Variants in CBFA2T2 observed in about 807,000 individuals in gnomAD.
CBFA2T2 encodes protein CBFA2T2.
A neutral mutation model predicts 62.2 loss-of-function variants in CBFA2T2; 11 were observed. The ratio of observed to expected loss-of-function variants is 0.18; its 90% CI spans 0.11 to 0.29. CBFA2T2 has a LOEUF of 0.29. Ranked by LOEUF, CBFA2T2 falls within the 10% of genes least tolerant of loss-of-function variation. The pLI, the probability that CBFA2T2 is intolerant of heterozygous loss-of-function variation, is 1.00. For synonymous variants in CBFA2T2, 295 were observed against 287.5 expected (o/e 1.03, Z -0.27); for missense variants, 592 against 774.1 (o/e 0.76, Z 2.79).
chr20:33,570,693 G>C (rs1185989474), intron 1 of CBFA2T2, among the ~76,000 whole-genome samples: 1 of 152,116 alleles, frequency 6.6e-6, no homozygotes, highest in East Asian at 1.9e-4. Flanking sequence ...TCCTTCTGTG[G>C]CCTTACTGAT....
intron 4 of CBFA2T2, among the ~76,000 whole-genome samples, chr20:33,620,578 G>A (rs777021405): frequency 6.6e-6 from 1 of 151,918 alleles, no homozygotes; most frequent in Non-Finnish European, 1.5e-5. Context: ...GGTGGCTCAC[G>A]CCTATAATCC....
At chr20:33,561,957 TC>T (rs1423251207) in intron 1 of CBFA2T2, among the ~76,000 whole-genome samples, 1 of 152,204 alleles carries the variant, frequency 6.6e-6, no homozygotes, top group Non-Finnish European at 1.5e-5. Context: ...ATATTTTTCA[TC>T]CAATTATATG....
rs1426241488 is a variant in CBFA2T2, at chr20:33,646,449, T to C, written c.*1803T>C. 1 of 152,136 alleles carries C rather than the reference T, an allele frequency of 6.6e-6. No individual in the cohort carries two copies. The highest frequency in any genetic ancestry group is 2.4e-5 in the African/African-American group (1 of 41,404). The allele number at this position is 152,136 out of a possible 1,614,324, so 9.4% of individuals were successfully genotyped here. Reference sequence around the variant, plus strand: ...GGCCTTTGAAGCACAAGTTTAAATCTCCACCTTCTGTGCACTGACCAGAGT... The same window carrying C: ...GGCCTTTGAAGCACAAGTTTAAATCCCCACCTTCTGTGCACTGACCAGAGT... On this transcript the variant is annotated 3_prime_UTR_variant, in exon 11 of 11. Transcript: ENST00000342704.
intron 1 of CBFA2T2, among the ~76,000 whole-genome samples, chr20:33,546,999 G>A (rs576098722): frequency 1.8e-4 from 27 of 151,970 alleles, no homozygotes; most frequent in African/African-American, 6.3e-4. Flanking sequence ...TCAGGAGTTC[G>A]AGACCAGCCT....
At chr20:33,494,371 T>A (rs1307522536) in intron 1 of CBFA2T2, among the ~76,000 whole-genome samples, 1 of 126,858 alleles carries the variant, frequency 7.9e-6, no homozygotes, top group African/African-American at 3.0e-5. Context: ...AAGCTCCACC[T>A]CCTGGGTTCA....
At chr20:33,588,982 GA>G (rs1331890876) in intron 1 of CBFA2T2, among the ~76,000 whole-genome samples, 4 of 150,956 alleles carry the variant, frequency 2.6e-5, no homozygotes, top group Admixed American at 6.6e-5. Context: ...CTGAAAGGAG[GA>G]AAAAAAACCC....
intron 1 of CBFA2T2, among the ~76,000 whole-genome samples, chr20:33,556,055 T>C (rs932389074): frequency 6.6e-6 from 1 of 152,338 alleles, no homozygotes; most frequent in Admixed American, 6.5e-5. Context: ...TTTGTAGAGA[T>C]GGAGTCTCAC....
chr20:33,569,580 T>C (rs905420026), intron 1 of CBFA2T2, among the ~76,000 whole-genome samples: 15 of 152,198 alleles, frequency 9.9e-5, no homozygotes, highest in Admixed American at 7.9e-4. Context: ...AATTGTATTG[T>C]GACCTTGACA....
At chr20:33,559,637 C>T (rs1377823814) in intron 1 of CBFA2T2, among the ~76,000 whole-genome samples, 2 of 152,114 alleles carry the variant, frequency 1.3e-5, no homozygotes, top group African/African-American at 2.4e-5. Flanking sequence ...CAGGCGCCCA[C>T]CACCACACCC....
chr20:33,550,478 A>G (rs1387124464), intron 1 of CBFA2T2, among the ~76,000 whole-genome samples: 2 of 152,224 alleles, frequency 1.3e-5, no homozygotes, highest in Non-Finnish European at 2.9e-5. Flanking sequence ...TTAAACAAAC[A>G]GCATATTTTA....
chr20:33,636,829 G>C, intron 9 of CBFA2T2, 121 bp downstream of exon 9: 1 of 694,056 alleles, frequency 1.4e-6, no homozygotes, highest in Non-Finnish European at 2.5e-6. Flanking sequence ...GCTCCTCATA[G>C]AGCTCTAGGC....
chr20:33,630,570 G>A (rs2016411615), intron 8 of CBFA2T2, among the ~76,000 whole-genome samples: 1 of 152,136 alleles, frequency 6.6e-6, no homozygotes. Flanking sequence ...GTTTCCCCTT[G>A]CCTTTCAGAG....
intron 1 of CBFA2T2, among the ~76,000 whole-genome samples, chr20:33,569,302 G>T (rs930250588): frequency 1.3e-5 from 2 of 152,206 alleles, no homozygotes; most frequent in Admixed American, 6.5e-5. Flanking sequence ...TGCAGTCATT[G>T]TTAAATGCTT....
intron 1 of CBFA2T2, among the ~76,000 whole-genome samples, chr20:33,528,475 ATTGT>A (rs1396790792): frequency 2.0e-5 from 3 of 152,172 alleles, no homozygotes; most frequent in South Asian, 4.1e-4. Flanking sequence ...CACTGGCTTG[ATTGT>A]TTGGTGGGCT....
chr20:33,588,304 G>C (rs2014466572), intron 1 of CBFA2T2, among the ~76,000 whole-genome samples: 1 of 151,638 alleles, frequency 6.6e-6, no homozygotes, highest in Admixed American at 6.6e-5. Flanking sequence ...AGAAGAAAAA[G>C]TGAACATTTT....
intron 1 of CBFA2T2, among the ~76,000 whole-genome samples, chr20:33,601,641 G>T (rs920890197): frequency 1.3e-5 from 2 of 152,058 alleles, no homozygotes; most frequent in Non-Finnish European, 2.9e-5. Flanking sequence ...CAGTGTTCCT[G>T]TCATTATAGG....
chr20:33,561,967 T>A (rs2013105152), intron 1 of CBFA2T2, among the ~76,000 whole-genome samples: 1 of 152,232 alleles, frequency 6.6e-6, no homozygotes, highest in African/African-American at 2.4e-5. Context: ...TCCAATTATA[T>A]GTTCAAAACA....
At chr20:33,602,227 C>T (rs1157171668) in intron 1 of CBFA2T2, among the ~76,000 whole-genome samples, 2 of 151,880 alleles carry the variant, frequency 1.3e-5, no homozygotes, top group Non-Finnish European at 1.5e-5. Context: ...GTTGAAATAT[C>T]CCCAGGGACA....
intron 1 of CBFA2T2, among the ~76,000 whole-genome samples, chr20:33,553,940 G>T (rs1056924581): frequency 6.6e-6 from 1 of 151,824 alleles, no homozygotes; most frequent in African/African-American, 2.4e-5. Context: ...TTACTAGTAG[G>T]CATATGCTTT....
Sources: gnomAD v4.1 joint callset for allele counts (sites outside exome capture counted in the v4.1 genomes callset) on GRCh38, gnomAD v4.1.1 for gene constraint, MANE v1.5 for transcripts, NCBI Gene and HGNC (gene_info 2026-07-23, HGNC 2026-07-21) for gene names.